The following NECTIN3 variants were observed in gnomAD, a reference collection of about 807,000 sequenced individuals.
NECTIN3 encodes the protein nectin-3.
NECTIN3 carries 8 observed loss-of-function variants against 49.4 expected under a neutral mutation model. That is an observed-to-expected ratio of 0.16 (90% CI 0.10 to 0.29). NECTIN3 has a LOEUF of 0.29. Among genes scored for constraint, NECTIN3 ranks in the 10% least tolerant of loss-of-function variants. The probability of loss-of-function intolerance (pLI) is 1.00; values close to 1 mark genes in which losing one functional copy is unlikely to be tolerated. For synonymous variants in NECTIN3, 277 were observed against 241.1 expected, an observed-to-expected ratio of 1.15 and a Z score of -1.38; for missense variants, 581 against 654.6, an observed-to-expected ratio of 0.89 and a Z score of 1.23.
intron 1 of NECTIN3, among the ~76,000 whole-genome samples, chr3:111,096,025 T>A (rs886073472): frequency 6.6e-6 from 1 of 152,198 alleles, no homozygotes; most frequent in Non-Finnish European, 1.5e-5. Flanking sequence ...AGGCAGAGGT[T>A]GGAACAGTTT....
intron 5 of NECTIN3, among the ~76,000 whole-genome samples, chr3:111,131,353 G>C (rs921447139): frequency 6.6e-6 from 1 of 151,914 alleles, no homozygotes; most frequent in Non-Finnish European, 1.5e-5. Flanking sequence ...TTTTGGGAAG[G>C]ATTTAAAATC....
At chr3:111,172,818 T>A (rs150761145) in intron 7 of NECTIN3, among the ~76,000 whole-genome samples, 5 of 152,308 alleles carry the variant, frequency 3.3e-5, no homozygotes, top group Non-Finnish European at 7.4e-5. Context: ...TGTGAAATCC[T>A]GCACACGTTG....
intron 5 of NECTIN3, among the ~76,000 whole-genome samples, chr3:111,127,668 C>T (rs148738037): frequency 0.011 from 1,712 of 152,024 alleles, 35 homozygotes; most frequent in African/African-American, 0.038. Context: ...CGGGCTCAAG[C>T]AATCCTCCCA....
In NECTIN3 at chr3:111,072,116, C is replaced by G; in HGVS notation, c.99C>G (p.Pro33=). The change falls in exon 1 of 6, where the codon CCC becomes CCG. Residue 33 remains proline, a synonymous_variant. Transcript: ENST00000485303. The stretch of plus-strand genomic sequence containing the variant: ...TCGGAGCCGGGCTCCTGCTGCAGCC[C>G]CCGACGCCACCTCCGCTGCTGCTGC... The part of the protein sequence containing the change: ...SLLGAGLLLQ[P]PTPPPLLLLL... The G allele has an allele frequency of 6.5e-7, 1 of 1,549,632 alleles. No individual in the cohort carries two copies. The highest frequency in any genetic ancestry group is 8.7e-7 in the Non-Finnish European group (1 of 1,146,222).
rs2030761833 is a variant in NECTIN3, at chr3:111,071,953, C to T, written c.-65C>T. On this transcript the variant is annotated 5_prime_UTR_variant, in exon 1 of 6. Coordinates refer to ENST00000485303, the MANE Select transcript of NECTIN3 (RefSeq NM_015480.3). ...ACCTTCCACAGCCTCCGCCCAGAGC[C>T]TGAGGCGCCGGGGCCGGGGGAGCCG... The T allele has an allele frequency of 2.4e-6, 3 of 1,233,332 alleles. No homozygotes were observed. Among genetic ancestry groups the T allele is most frequent in the African/African-American group, 1.7e-5 (1 of 58,892 alleles). The allele number at this position is 1,233,332 out of a possible 1,614,324, so 76.4% of individuals were successfully genotyped here. A position where few individuals can be genotyped will look rare whatever the true frequency, so the allele number is the denominator to read the frequency against.
chr3:111,077,231 A>C (rs13081929), intron 1 of NECTIN3: 1 of 443,242 alleles, frequency 2.3e-6, no homozygotes, highest in Non-Finnish European at 4.6e-6. Flanking sequence ...TTGACTGCCC[A>C]CCATTCATTC....
At chr3:111,090,267 T>G (rs2032184637) in intron 1 of NECTIN3, among the ~76,000 whole-genome samples, 2 of 152,290 alleles carry the variant, frequency 1.3e-5, no homozygotes, top group African/African-American at 4.8e-5. Flanking sequence ...ATCTTACATT[T>G]TGCTTTCTAC....
At chr3:111,152,211 C>T (rs893782128) in intron 7 of NECTIN3, among the ~76,000 whole-genome samples, 2 of 151,784 alleles carry the variant, frequency 1.3e-5, no homozygotes. Flanking sequence ...TATATATGCT[C>T]TTTTGTATGT....
chr3:111,100,574 AAC>A (rs1349042442), intron 1 of NECTIN3, among the ~76,000 whole-genome samples: 2 of 152,142 alleles, frequency 1.3e-5, no homozygotes, highest in Admixed American at 6.5e-5. Context: ...CAAAATTTGA[AAC>A]ACATCTTGTC....
intron 7 of NECTIN3, among the ~76,000 whole-genome samples, chr3:111,160,388 T>C (rs1016931254): frequency 6.6e-6 from 1 of 152,158 alleles, no homozygotes; most frequent in Admixed American, 6.5e-5. Context: ...TTTTTTACAG[T>C]CAAGATTCAT....
At chr3:111,124,507 T>C (rs1482527712) in intron 4 of NECTIN3, among the ~76,000 whole-genome samples, 1 of 152,206 alleles carries the variant, frequency 6.6e-6, no homozygotes, top group Non-Finnish European at 1.5e-5. Flanking sequence ...TTATTTTCAT[T>C]GTTATCCTTG....
chr3:111,142,143 G>T (rs1472200484), downstream of NECTIN3, among the ~76,000 whole-genome samples: 5 of 151,776 alleles, frequency 3.3e-5, no homozygotes, highest in African/African-American at 1.2e-4. Flanking sequence ...TTTCATACTG[G>T]TTTTCATCAA....
At chr3:111,075,435 GATAAC>G (rs2031115259) in intron 1 of NECTIN3, among the ~76,000 whole-genome samples, 1 of 152,002 alleles carries the variant, frequency 6.6e-6, no homozygotes, top group Non-Finnish European at 1.5e-5. Flanking sequence ...TTTATAAAGA[GATAAC>G]ATTACTACCT....
At chr3:111,086,048 C>A (rs2031904104) in intron 1 of NECTIN3, among the ~76,000 whole-genome samples, 1 of 152,050 alleles carries the variant, frequency 6.6e-6, no homozygotes, top group African/African-American at 2.4e-5. Flanking sequence ...ATTTGTAATT[C>A]CTTAATGATT....
chr3:111,100,037 CT>C (rs142257084), intron 1 of NECTIN3, among the ~76,000 whole-genome samples: 1 of 151,878 alleles, frequency 6.6e-6, no homozygotes, highest in Non-Finnish European at 1.5e-5. Context: ...AAAGTTCTTG[CT>C]TTTTTTTATT....
chr3:111,131,396 T>C (rs1218055342), intron 5 of NECTIN3, among the ~76,000 whole-genome samples: 1 of 152,034 alleles, frequency 6.6e-6, no homozygotes, highest in African/African-American at 2.4e-5. Flanking sequence ...TCCTACCTTA[T>C]AATAATTGTG....
upstream of NECTIN3, among the ~76,000 whole-genome samples, chr3:111,189,380 T>A (rs1576189727): frequency 6.6e-6 from 1 of 152,198 alleles, no homozygotes; most frequent in Non-Finnish European, 1.5e-5. Context: ...GTATTTAGGT[T>A]TTATTATTAT....
rs373704755 is a variant in NECTIN3 at position 111,134,185 on chromosome 3, C to G, written c.1620C>G (p.Ser540=). The G allele has an allele frequency of 1.6e-5, 26 of 1,606,882 alleles. No homozygotes were observed. Among genetic ancestry groups the G allele is most frequent in the East Asian group, 2.2e-5 (1 of 44,836 alleles). ...ACTTAGTTTCACATGTAGATGGTTC[C>G]GTAATTTCCAGGAGGGAGTGGTATG... ...EDDLVSHVDG[S]VISRREWYV Residue 540 remains serine (S), a synonymous_variant, in exon 6 of 6, where the codon TCC becomes TCG. Coordinates refer to ENST00000485303, the MANE Select transcript of NECTIN3 (RefSeq NM_015480.3).
At chr3:111,151,266 T>C (rs978726532) in intron 7 of NECTIN3, among the ~76,000 whole-genome samples, 9 of 151,938 alleles carry the variant, frequency 5.9e-5, no homozygotes, top group Non-Finnish European at 1.2e-4. Context: ...AAACAGGTTT[T>C]GAATGAGTAG....
Sources: allele counts gnomAD v4.1 joint callset (sites outside exome capture counted in the v4.1 genomes callset), GRCh38; gene constraint gnomAD v4.1.1; transcripts MANE v1.5; gene names NCBI Gene and HGNC (gene_info 2026-07-23, HGNC 2026-07-21).